CHST10: variants seen among roughly 807,000 people sequenced by gnomAD.
The protein encoded by CHST10 is HNK-1 sulfotransferase.
Under a neutral mutation model 34.7 loss-of-function variants are expected in CHST10, and 24 were observed. The observed-to-expected ratio is 0.69, with a 90% CI of 0.50 to 0.97. The LOEUF is 0.97. Ranked by LOEUF, CHST10 falls within the 50% of genes least tolerant of loss-of-function variation. The probability of loss-of-function intolerance (pLI) is 0.00; values close to 1 mark genes in which losing one functional copy is unlikely to be tolerated. For synonymous variants in CHST10, 161 were observed against 169.3 expected (o/e 0.95, Z 0.38); for missense variants, 402 against 452.1 (o/e 0.89, Z 1.00).
At chr2:100,398,803 C>T (rs1675197171) in intron 4 of CHST10, among the ~76,000 whole-genome samples, 1 of 152,216 alleles carries the variant, frequency 6.6e-6, no homozygotes, top group Non-Finnish European at 1.5e-5. Flanking sequence ...CATGCTGGTC[C>T]ATTCTTTTCA....
rs149087909 is a variant in CHST10 at position 100,409,608 on chromosome 2, C to T, written c.-32-2901G>A. On this transcript the variant is annotated intron_variant, in intron 2 of 6. Transcript: ENST00000264249. ...CCGTCTCCGTAGCTAGTCTTTCACC[C>T]GGGCAGGAGGTCAGGGACTGGTCTA... Among the ~76,000 whole-genome samples the T allele has an allele frequency of 5.6e-3, 842 of 151,710 alleles. 8 individuals are homozygous for T. Among genetic ancestry groups the T allele is most frequent in the African/African-American group, 0.019 (791 of 41,300 alleles).
At position 100,417,635 on chromosome 2, in the gene CHST10, C is replaced by A. The variant is rs1048026216; in HGVS notation, c.-365G>T. Reference sequence around the variant, plus strand: ...AGAACGCCGGCACCGCCTCACGCGGCCCCCTCGCGCCTATCCGGCCGTGCG... The same window carrying A: ...AGAACGCCGGCACCGCCTCACGCGGACCCCTCGCGCCTATCCGGCCGTGCG... On this transcript the variant is annotated 5_prime_UTR_variant, in exon 1 of 7. Coordinates refer to ENST00000264249, the MANE Select transcript of CHST10 (RefSeq NM_004854.5). The A allele has an allele frequency of 4.0e-5, 6 of 150,896 alleles. No individual in the cohort carries two copies. Among genetic ancestry groups the A allele is most frequent in the Admixed American group, 6.6e-5 (1 of 15,130 alleles). The allele number at this position is 150,896 out of a possible 1,614,324, so 9.3% of individuals were successfully genotyped here.
At chr2:100,404,199 C>T (rs1020197324) in intron 3 of CHST10, among the ~76,000 whole-genome samples, 14 of 152,306 alleles carry the variant, frequency 9.2e-5, no homozygotes, top group South Asian at 6.2e-4. Context: ...GTGGTCACCC[C>T]GCAACGGGAG....
At chr2:100,415,801 GTTC>G (rs1205950096) in intron 1 of CHST10, 2 of 152,226 alleles carry the variant, frequency 1.3e-5, no homozygotes, top group Admixed American at 6.5e-5. Flanking sequence ...GTTAGGCGAT[GTTC>G]TTCTGCAAAC....
chr2:100,393,311 C>T lies in CHST10; in HGVS notation c.1005G>A (p.Leu335=). 1 of 1,614,214 alleles carries T rather than the reference C, an allele frequency of 6.2e-7. No individual in the cohort carries two copies. Among genetic ancestry groups the T allele is most frequent in the Non-Finnish European group, 8.5e-7 (1 of 1,180,036 alleles). The part of the protein sequence containing the change: ...LGISKRDIRR[L]YARFEGDFKL... ...TAAAGTCCCCTTCGAAACGGGCATACAGGCGTCGGATGTCTCGTTTGCTGA... is the reference window on the plus strand; with the variant it reads ...TAAAGTCCCCTTCGAAACGGGCATATAGGCGTCGGATGTCTCGTTTGCTGA... The change falls in exon 7 of 7, where the codon CTG becomes CTA. Residue 335 remains leucine (L), a synonymous_variant. Coordinates refer to ENST00000264249, the MANE Select transcript of CHST10 (RefSeq NM_004854.5).
At chr2:100,399,762 G>A (rs1675250985) in intron 4 of CHST10, among the ~76,000 whole-genome samples, 1 of 152,162 alleles carries the variant, frequency 6.6e-6, no homozygotes, top group Non-Finnish European at 1.5e-5. Flanking sequence ...TCCCTTGTGT[G>A]TTTAAGTGAA....
At chr2:100,407,034 G>A (rs1675608404) in intron 2 of CHST10, among the ~76,000 whole-genome samples, 1 of 152,178 alleles carries the variant, frequency 6.6e-6, no homozygotes, top group Non-Finnish European at 1.5e-5. Flanking sequence ...CCCAGGCTAA[G>A]GTCCCAGTGA....
chr2:100,407,139 G>A (rs1340818055), intron 2 of CHST10, among the ~76,000 whole-genome samples: 4 of 152,168 alleles, frequency 2.6e-5, no homozygotes, highest in Non-Finnish European at 5.9e-5. Flanking sequence ...AAGCCATGCT[G>A]GGGCAATTAG....
intron 2 of CHST10, chr2:100,407,959 T>G (rs879159539): frequency 1.2e-4 from 18 of 152,050 alleles, no homozygotes; most frequent in African/African-American, 4.3e-4. Flanking sequence ...AACATAAAAT[T>G]TTAGTGTAAG....
rs975898479 is a variant in CHST10 at position 100,406,109 on chromosome 2, A to C, written c.100+467T>G. The stretch of plus-strand genomic sequence containing the variant: ...CTAAGAAAGCCTCCAAGACAACCTG[A>C]AGACATACATTTAAATGACCCTCCT... On this transcript the variant is annotated intron_variant, in intron 3 of 6. Transcript: ENST00000264249. 4.6e-5 allele frequency among the ~76,000 whole-genome samples: 7 copies of C among 152,320 alleles called. No homozygotes were observed. The East Asian group carries it at 9.7e-4, about 21-fold the overall frequency.
rs756945972 is a variant in CHST10, at chr2:100,393,318, C to T, written c.998G>A (p.Arg333Gln). 22 of 1,614,088 alleles carry T rather than the reference C, an allele frequency of 1.4e-5. No individual in the cohort carries two copies. The East Asian group carries it at 2.0e-4, about 15-fold the overall frequency. The change falls in exon 7 of 7, where the codon CGA becomes CAA. Residue 333 changes from arginine (R) to glutamine (Q), a missense_variant. Physicochemically the swap from Arg to Gln is conservative, Grantham distance 43 (BLOSUM62 1). Transcript: ENST00000264249. ...CCCTTCGAAACGGGCATACAGGCGT[C>T]GGATGTCTCGTTTGCTGATGCCCAG... ...YFLGISKRDI[R>Q]RLYARFEGDF...
chr2:100,416,973 CT>C, intron 1 of CHST10: 1 of 1,304,204 alleles, frequency 7.7e-7, no homozygotes, highest in Non-Finnish European at 1.0e-6. Flanking sequence ...ATTCCCACCC[CT>C]GACTCCCCTC....
intron 2 of CHST10, among the ~76,000 whole-genome samples, chr2:100,413,835 A>G (rs538496629): frequency 3.9e-5 from 6 of 152,226 alleles, no homozygotes; most frequent in African/African-American, 1.2e-4. Flanking sequence ...CACTTACTAA[A>G]GTTTCTGAAA....
At position 100,393,764 on chromosome 2, in the gene CHST10, C is replaced by T. The variant is rs763868069; in HGVS notation, c.552G>A (p.Lys184=). ...CGAAGGGATCTCTTACAATAAAAAA[C>T]TTGAAGTATGTTTTCAATCTAAGGA... ...EIQKRLKTYF[K]FFIVRDPFER... Residue 184 remains lysine (K), a synonymous_variant, in exon 7 of 7, where the codon AAG becomes AAA. Transcript: ENST00000264249. 1 of 1,608,650 alleles carries T rather than the reference C, an allele frequency of 6.2e-7. No homozygotes were observed. The highest frequency in any genetic ancestry group is 8.5e-7 in the Non-Finnish European group (1 of 1,178,768).
intron 6 of CHST10, among the ~76,000 whole-genome samples, chr2:100,394,617 C>T (rs937452240): frequency 6.6e-6 from 1 of 152,214 alleles, no homozygotes; most frequent in Non-Finnish European, 1.5e-5. Context: ...GGTGACCTGA[C>T]GTGAGCCGCT....
chr2:100,396,323 G>A (rs1675057050), intron 5 of CHST10, among the ~76,000 whole-genome samples: 1 of 152,246 alleles, frequency 6.6e-6, no homozygotes, highest in South Asian at 2.1e-4. Context: ...CTGCTGAATG[G>A]AACTTGGGCA....
intron 2 of CHST10, chr2:100,407,892 C>T (rs1475444448): frequency 6.6e-6 from 1 of 152,010 alleles, no homozygotes; most frequent in African/African-American, 2.4e-5. Flanking sequence ...AATAGGGTTG[C>T]CTGATTAGAC....
chr2:100,400,659 A>G lies in CHST10; in HGVS notation c.192+1905T>C, dbSNP rs996559072. Among the ~76,000 whole-genome samples the G allele has an allele frequency of 2.0e-5, 3 of 152,150 alleles. No homozygotes were observed. In the East Asian group the frequency reaches 5.8e-4, roughly 29 times the overall value. On this transcript the variant is annotated intron_variant, in intron 4 of 6. Transcript: ENST00000264249. ...ATTATTTTCTATTTTCCATTCAAAC[A>G]TTCGGCTACACCATGCACAAAGTAA...
At chr2:100,403,640 C>A (rs1393523875) in intron 3 of CHST10, among the ~76,000 whole-genome samples, 3 of 152,140 alleles carry the variant, frequency 2.0e-5, no homozygotes, top group Non-Finnish European at 4.4e-5. Context: ...TGAGGCTGGC[C>A]CTGTCCCAGA....
Sources: gnomAD v4.1 joint callset for allele counts (sites outside exome capture counted in the v4.1 genomes callset) on GRCh38, gnomAD v4.1.1 for gene constraint, MANE v1.5 for transcripts, NCBI Gene and HGNC (gene_info 2026-07-23, HGNC 2026-07-21) for gene names.